The following RFC1 variants were observed in gnomAD, a reference collection of about 807,000 sequenced individuals.
RFC1 encodes replication factor C subunit 1, also known as A1 140 kDa subunit.
Under a neutral mutation model 137.4 loss-of-function variants are expected in RFC1, and 37 were observed. The observed-to-expected ratio is 0.27, with a 90% confidence interval of 0.21 to 0.35. The LOEUF is 0.35. RFC1 is among the 10% of genes least tolerant of loss of function. The probability of loss-of-function intolerance (pLI) is 1.00; values close to 1 mark genes in which losing one functional copy is unlikely to be tolerated. For missense variants in RFC1, 1,205 were observed against 1,358.5 expected (o/e 0.89, Z 1.78); for synonymous variants, 429 against 455.7 (o/e 0.94, Z 0.75).
intron 11 of RFC1, among the ~76,000 whole-genome samples, 165 bp from the exon 12 acceptor site, chr4:39,311,714 T>C (rs1481039200): frequency 6.6e-6 from 1 of 152,214 alleles, no homozygotes; most frequent in Non-Finnish European, 1.5e-5. Context: ...GCACATTCAT[T>C]GAAAAAGTAA....
rs1739494798 is a variant in RFC1, at chr4:39,321,041, G to A, written c.808+246C>T. Among the ~76,000 whole-genome samples the A allele has an allele frequency of 2.0e-5, 3 of 152,140 alleles. No homozygotes were observed. The South Asian group carries it at 6.2e-4, about 32-fold the overall frequency. On this transcript the variant is annotated intron_variant, in intron 8 of 24. Transcript: ENST00000349703. ...AAATCCACATATTGCACTATACTTGGAAATTAACAAGAAGCCAGGAGTTTT... is the reference window on the plus strand; with the variant it reads ...AAATCCACATATTGCACTATACTTGAAAATTAACAAGAAGCCAGGAGTTTT...
At chr4:39,293,481 G>C (rs1737801152) in intron 22 of RFC1, among the ~76,000 whole-genome samples, 1 of 152,032 alleles carries the variant, frequency 6.6e-6, no homozygotes, top group South Asian at 2.1e-4. Context: ...CTCCCAAAAA[G>C]GTTACAAACC....
chr4:39,365,335 C>G, intron 1 of RFC1: 6 of 289,558 alleles, frequency 2.1e-5, no homozygotes, highest in South Asian at 1.5e-4. Context: ...AGAATGTTGT[C>G]ACTGTGACAC....
At chr4:39,361,754 G>A (rs116076342) in intron 1 of RFC1, among the ~76,000 whole-genome samples, 58 of 152,164 alleles carry the variant, frequency 3.8e-4, no homozygotes, top group African/African-American at 1.3e-3. Flanking sequence ...AATGAAATTA[G>A]GAAAGCAGTT....
At chr4:39,329,149 A>AAAAAAAAAAAAAAAAAAAAAAAAAAAC in intron 4 of RFC1, among the ~76,000 whole-genome samples, 1 of 137,736 alleles carries the variant, frequency 7.3e-6, no homozygotes, top group Non-Finnish European at 1.6e-5. Flanking sequence ...AAAAAAAAAA[A>AAAAAAAAAAAAAAAAAAAAAAAAAAAC]AAAAGCTTTT....
At chr4:39,309,964 G>A (rs913271527) in intron 12 of RFC1, among the ~76,000 whole-genome samples, 2 of 152,102 alleles carry the variant, frequency 1.3e-5, no homozygotes, top group African/African-American at 4.8e-5. Flanking sequence ...GGAAAAAATA[G>A]TCACTTTACT....
intron 4 of RFC1, among the ~76,000 whole-genome samples, chr4:39,338,147 T>C (rs1740448036): frequency 6.6e-6 from 1 of 152,238 alleles, no homozygotes; most frequent in Admixed American, 6.5e-5. Context: ...AGTCAATAGT[T>C]GGCTATAAAG....
At chr4:39,292,990 A>G (rs1737773556) in intron 22 of RFC1, among the ~76,000 whole-genome samples, 1 of 152,176 alleles carries the variant, frequency 6.6e-6, no homozygotes, top group African/African-American at 2.4e-5. Context: ...AACCAGCATC[A>G]GAAGCAAAAA....
intron 1 of RFC1, among the ~76,000 whole-genome samples, chr4:39,354,487 A>C (rs1741360009): frequency 6.6e-6 from 1 of 152,220 alleles, no homozygotes; most frequent in African/African-American, 2.4e-5. Flanking sequence ...ATATGAGTGG[A>C]GAAAGGAACA....
intron 21 of RFC1, 38 bp from the exon 22 acceptor site, chr4:39,295,797 C>CGTACGT: frequency 6.3e-7 from 1 of 1,585,634 alleles, no homozygotes; most frequent in Non-Finnish European, 8.6e-7. Context: ...ATTTATGTTC[C>CGTACGT]GTACAAAGTT....
chr4:39,345,171 C>G (rs1041851401), intron 3 of RFC1, among the ~76,000 whole-genome samples: 1 of 152,050 alleles, frequency 6.6e-6, no homozygotes, highest in African/African-American at 2.4e-5. Context: ...CGTGCCACCA[C>G]GCCCAGCTAA....
In RFC1 at chr4:39,359,589, G is replaced by A. The variant is rs148868169; in HGVS notation, c.3+6650C>T. On this transcript the variant is annotated intron_variant, in intron 1 of 24. Transcript: ENST00000349703. ...TGTAATCCCAGCACTTTAGGAGGCC[G>A]AGGCGGGTGGATCATGAGGTCAGGA... Among the ~76,000 whole-genome samples the A allele has an allele frequency of 8.4e-3, 1,278 of 152,146 alleles. 17 individuals are homozygous for A. The highest frequency in any genetic ancestry group is 0.027 in the African/African-American group (1,133 of 41,492).
At chr4:39,315,540 T>C (rs1739196521) in intron 10 of RFC1, among the ~76,000 whole-genome samples, 1 of 152,196 alleles carries the variant, frequency 6.6e-6, no homozygotes, top group Admixed American at 6.5e-5. Flanking sequence ...CCCACATATC[T>C]GCTTGTCTAC....
At chr4:39,364,971 A>G (rs565480955) in intron 1 of RFC1, among the ~76,000 whole-genome samples, 1 of 152,190 alleles carries the variant, frequency 6.6e-6, no homozygotes, top group East Asian at 1.9e-4. Context: ...CTTCCAAAAT[A>G]CCACAGTGCT....
intron 1 of RFC1, among the ~76,000 whole-genome samples, chr4:39,358,525 G>A (rs936800372): frequency 2.0e-5 from 3 of 152,050 alleles, no homozygotes; most frequent in Non-Finnish European, 4.4e-5. Context: ...TGAGCCACGC[G>A]CTATATGGCA....
In RFC1 at chr4:39,290,011, T is replaced by C. The variant is rs946285194; in HGVS notation, c.3197A>G (p.Asn1066Ser). 6.2e-7 allele frequency: 1 copy of C among 1,613,644 alleles called. No homozygotes were observed. Among genetic ancestry groups the C allele is most frequent in the Non-Finnish European group, 8.5e-7 (1 of 1,179,684 alleles). ...KVKAAFTRAYNKEAHLTPYSL... is the reference protein window; with the variant it reads ...KVKAAFTRAYSKEAHLTPYSL... ...GTATGGAGTAAGGTGGGCTTCCTTA[T>C]TGTAAGCTCTTGTGAAGGCTGCTTT... The change falls in exon 24 of 25, where the codon AAT becomes AGT. Residue 1066 changes from asparagine (N) to serine (S), a missense_variant. By Grantham distance (46) the Asn-to-Ser change is conservative (BLOSUM62 1). Around this residue, in one of 3 missense-constraint regions of RFC1, gnomAD observed 237 missense variants for 304.2 expected, o/e 0.78. Coordinates refer to ENST00000349703, the MANE Select transcript of RFC1 (RefSeq NM_002913.5).
chr4:39,335,209 T>C (rs531337847), intron 4 of RFC1, among the ~76,000 whole-genome samples: 1 of 152,340 alleles, frequency 6.6e-6, no homozygotes, highest in East Asian at 1.9e-4. Context: ...TAAAGTTTCT[T>C]TTCAATATTT....
intron 4 of RFC1, among the ~76,000 whole-genome samples, chr4:39,342,013 T>C (rs1185687569): frequency 1.3e-5 from 2 of 152,234 alleles, no homozygotes; most frequent in African/African-American, 4.8e-5. Flanking sequence ...ACTTAGATTA[T>C]TGACTTTGGC....
intron 4 of RFC1, among the ~76,000 whole-genome samples, chr4:39,329,152 A>AAAAAAAAAAAAAC: frequency 7.2e-6 from 1 of 138,244 alleles, no homozygotes; most frequent in Non-Finnish European, 1.6e-5. Context: ...AAAAAAAAAA[A>AAAAAAAAAAAAAC]AGCTTTTCGA....
Sources: allele counts gnomAD v4.1 joint callset (sites outside exome capture counted in the v4.1 genomes callset), GRCh38; gene constraint gnomAD v4.1.1; regional missense constraint gnomAD v4.1.1; transcripts MANE v1.5; gene names NCBI Gene and HGNC (gene_info 2026-07-23, HGNC 2026-07-21).